Variants in STOX2 observed in about 807,000 individuals in gnomAD.
STOX2 encodes the protein storkhead box 2.
STOX2 carries 28 observed loss-of-function variants against 60.9 expected under a neutral mutation model. The ratio of observed to expected loss-of-function variants is 0.46; its 90% CI spans 0.34 to 0.63. STOX2 has a LOEUF of 0.63. Ranked by LOEUF, STOX2 falls within the 30% of genes least tolerant of loss-of-function variation. The pLI is 0.01. For missense variants in STOX2, 1,024 were observed against 1,187.7 expected (o/e 0.86, Z 2.03); for synonymous variants, 472 against 463.9 (o/e 1.02, Z -0.22).
intron 1 of STOX2, among the ~76,000 whole-genome samples, chr4:183,923,245 G>A (rs184404270): frequency 6.6e-6 from 1 of 152,154 alleles, no homozygotes; most frequent in Non-Finnish European, 1.5e-5. Context: ...ACCCACCAAC[G>A]GTGTACAAGG....
At chr4:183,898,252 C>T (rs934992847) in intron 1 of STOX2, among the ~76,000 whole-genome samples, 2 of 151,872 alleles carry the variant, frequency 1.3e-5, no homozygotes, top group African/African-American at 2.4e-5. Flanking sequence ...CTGTGTGTAG[C>T]GATGTGTGTG....
At chr4:183,850,034 G>T (rs567274633) in intron 1 of STOX2, among the ~76,000 whole-genome samples, 20 of 151,688 alleles carry the variant, frequency 1.3e-4, no homozygotes, top group Non-Finnish European at 2.8e-4. Flanking sequence ...CAAGATCTTG[G>T]CTCACCATAA....
In STOX2 at chr4:184,021,026, T is replaced by C. The variant is rs1734569129; in HGVS notation, c.*3742T>C. The C allele has an allele frequency of 6.6e-6, 1 of 152,246 alleles. No individual in the cohort carries two copies. The highest frequency in any genetic ancestry group is 1.9e-4 in the East Asian group (1 of 5,202). The allele number at this position is 152,246 out of a possible 1,614,324, so 9.4% of individuals were successfully genotyped here. ...AACCACTTATCACCACCAAGTGTAC[T>C]TGAAAATAAAGTTTTTAACTTAAAT... is the stretch of plus-strand genomic sequence containing the variant. On this transcript the variant is annotated 3_prime_UTR_variant, in exon 4 of 4. Coordinates refer to ENST00000308497, the MANE Select transcript of STOX2 (RefSeq NM_020225.3).
chr4:183,950,819 T>C (rs188499724), intron 1 of STOX2, among the ~76,000 whole-genome samples: 41 of 151,940 alleles, frequency 2.7e-4, no homozygotes, highest in African/African-American at 9.2e-4. Flanking sequence ...CGCAGGCTGG[T>C]AGGAGGGAGC....
At chr4:183,963,951 A>G (rs1743488047) in intron 1 of STOX2, among the ~76,000 whole-genome samples, 1 of 146,380 alleles carries the variant, frequency 6.8e-6, no homozygotes, top group African/African-American at 2.5e-5. Context: ...TATTTTTTGT[A>G]TTTTTAGTAG....
At chr4:183,807,170 C>T (rs867528791) in intron 1 of STOX2, among the ~76,000 whole-genome samples, 2 of 152,056 alleles carry the variant, frequency 1.3e-5, no homozygotes, top group African/African-American at 4.8e-5. Flanking sequence ...GACGGGGTTT[C>T]ACCGCGTTAG....
intron 1 of STOX2, among the ~76,000 whole-genome samples, chr4:183,980,490 C>T (rs1295403209): frequency 6.6e-6 from 1 of 152,140 alleles, no homozygotes; most frequent in Non-Finnish European, 1.5e-5. Flanking sequence ...GAAAGCAGCC[C>T]TTGGAAGGTC....
intron 1 of STOX2, among the ~76,000 whole-genome samples, chr4:183,859,978 T>C (rs1466786624): frequency 6.6e-6 from 1 of 152,202 alleles, no homozygotes; most frequent in East Asian, 1.9e-4. Context: ...AGAATGTGTG[T>C]GTGTGTATGT....
chr4:183,887,866 C>T (rs1175403105), intron 1 of STOX2, among the ~76,000 whole-genome samples: 2 of 152,192 alleles, frequency 1.3e-5, no homozygotes. Flanking sequence ...GCTTCAGCCT[C>T]CTGAGTAGCT....
At chr4:184,007,015 CAAAAA>C (rs61393267) in intron 2 of STOX2, among the ~76,000 whole-genome samples, 1 of 52,818 alleles carries the variant, frequency 1.9e-5, no homozygotes, top group Non-Finnish European at 3.7e-5. Context: ...GACTCTGTCT[CAAAAA>C]AAAAAAAAAA....
intron 1 of STOX2, among the ~76,000 whole-genome samples, chr4:183,879,223 G>A (rs963043072): frequency 1.1e-4 from 16 of 152,162 alleles, no homozygotes; most frequent in Admixed American, 3.3e-4. Flanking sequence ...GCATGTCCCC[G>A]GGCTCACTGC....
chr4:183,946,391 G>T (rs761403328), intron 1 of STOX2, among the ~76,000 whole-genome samples: 1 of 152,124 alleles, frequency 6.6e-6, no homozygotes, highest in Non-Finnish European at 1.5e-5. Context: ...GTACAGTCAT[G>T]CCTCGGTGTC....
intron 1 of STOX2, among the ~76,000 whole-genome samples, chr4:183,860,933 A>G (rs1740426174): frequency 1.3e-5 from 2 of 152,188 alleles, no homozygotes; most frequent in African/African-American, 2.4e-5. Flanking sequence ...GGAACTTGTC[A>G]GTGCCGCCAT....
At chr4:183,926,831 A>G (rs1451607099) in intron 1 of STOX2, among the ~76,000 whole-genome samples, 1 of 152,188 alleles carries the variant, frequency 6.6e-6, no homozygotes, top group African/African-American at 2.4e-5. Context: ...CATGTTGGCC[A>G]GGCTGGTCTC....
intron 1 of STOX2, among the ~76,000 whole-genome samples, chr4:183,924,884 G>T (rs1312266805): frequency 6.6e-6 from 1 of 152,146 alleles, no homozygotes; most frequent in Admixed American, 6.5e-5. Context: ...GCGTCAGAAG[G>T]TACATGCGTA....
intron 1 of STOX2, among the ~76,000 whole-genome samples, chr4:183,803,346 G>C (rs1234648938): frequency 1.3e-5 from 2 of 152,026 alleles, no homozygotes; most frequent in African/African-American, 4.8e-5. Context: ...AAAGTGCTGA[G>C]ATTACAGATG....
intron 2 of STOX2, among the ~76,000 whole-genome samples, chr4:184,008,521 G>A (rs1733979960): frequency 2.0e-5 from 3 of 152,142 alleles, no homozygotes. Flanking sequence ...CCAAAAAGGA[G>A]AACATTCTTA....
chr4:183,843,543 T>C (rs1017835346), intron 1 of STOX2, among the ~76,000 whole-genome samples: 17 of 152,146 alleles, frequency 1.1e-4, no homozygotes, highest in Admixed American at 5.9e-4. Flanking sequence ...GGCCATATGG[T>C]CTCTGTCACC....
intron 1 of STOX2, among the ~76,000 whole-genome samples, chr4:183,832,600 C>T (rs932742694): frequency 2.0e-5 from 3 of 151,194 alleles, no homozygotes; most frequent in Admixed American, 6.6e-5. Context: ...AAGCGATTCT[C>T]CTGCCTCAGC....
Sources: allele counts gnomAD v4.1 joint callset (sites outside exome capture counted in the v4.1 genomes callset), GRCh38; gene constraint gnomAD v4.1.1; transcripts MANE v1.5; gene names NCBI Gene and HGNC (gene_info 2026-07-23, HGNC 2026-07-21).